Variants in PAPOLG observed in about 807,000 individuals in gnomAD.
The protein encoded by PAPOLG is PAP-gamma.
A neutral mutation model predicts 99.0 loss-of-function variants in PAPOLG; 40 were observed. The observed-to-expected ratio is 0.40, with a 90% CI of 0.31 to 0.53. The LOEUF is 0.53. Ranked by LOEUF, PAPOLG falls within the 20% of genes least tolerant of loss-of-function variation. The probability of loss-of-function intolerance (pLI) is 0.41; values close to 1 mark genes in which losing one functional copy is unlikely to be tolerated. For synonymous variants in PAPOLG, 310 were observed against 299.3 expected, an observed-to-expected ratio of 1.04 and a Z score of -0.37; for missense variants, 675 against 884.1, an observed-to-expected ratio of 0.76 and a Z score of 3.00.
rs1187992745 is a variant in PAPOLG, at chr2:60,791,857, C to T, written c.1493C>T (p.Ala498Val). ...KKKQLHHYLP[A>V]EILQKKKKQS... ...AAACAACTTCACCACTACCTTCCTG[C>T]AGAAATTCTTCAAAAGAAGAAAAAG... Residue 498 changes from alanine (A) to valine (V), a missense_variant, in exon 16 of 22, where the codon GCA becomes GTA. Transcript: ENST00000238714. 6.2e-7 allele frequency: 1 copy of T among 1,612,240 alleles called. No individual in the cohort carries two copies. Among genetic ancestry groups the T allele is most frequent in the South Asian group, 1.1e-5 (1 of 90,908 alleles).
chr2:60,775,002 A>T, intron 7 of PAPOLG, 32 bp from the exon 8 acceptor site: 1 of 1,611,206 alleles, frequency 6.2e-7, no homozygotes, highest in Non-Finnish European at 8.5e-7. Context: ...AATTTGCTGC[A>T]TAGTGAAAAA....
intron 3 of PAPOLG, 69 bp from the exon 4 acceptor site, chr2:60,768,401 C>G: frequency 6.6e-7 from 1 of 1,523,856 alleles, no homozygotes; most frequent in Non-Finnish European, 9.0e-7. Flanking sequence ...CATGCCCAGC[C>G]AACATTGAGG....
At chr2:60,789,828 G>A (rs571107866) in intron 15 of PAPOLG, among the ~76,000 whole-genome samples, 10 of 152,212 alleles carry the variant, frequency 6.6e-5, no homozygotes, top group East Asian at 3.9e-4. Flanking sequence ...GGTGGCTCAC[G>A]CCTGTAATCC....
At chr2:60,762,292 A>G (rs1670542969) in intron 3 of PAPOLG, among the ~76,000 whole-genome samples, 1 of 152,018 alleles carries the variant, frequency 6.6e-6, no homozygotes, top group Non-Finnish European at 1.5e-5. Context: ...TTCCTAAGAC[A>G]TAGGAATTTG....
intron 9 of PAPOLG, 109 bp downstream of exon 9, chr2:60,779,884 TTTGTAAAG>T: frequency 1.0e-6 from 1 of 967,516 alleles, no homozygotes; most frequent in Non-Finnish European, 1.5e-6. Context: ...TTTACATTGC[TTTGTAAAG>T]TTGAAAGTAT....
chr2:60,761,824 T>C lies in PAPOLG; in HGVS notation c.246+17T>C, dbSNP rs1181452311. The C allele has an allele frequency of 4.0e-6, 6 of 1,508,608 alleles. No individual in the cohort carries two copies. In the Admixed American group the frequency reaches 1.1e-4, roughly 28 times the overall value. The allele number at this position is 1,508,608 out of a possible 1,614,324, so 93.5% of individuals were successfully genotyped here. Reference sequence around the variant, plus strand: ...GAGAGTAAGGTAAGACTCTAAACTATGTGGAATTCTTGTTTTTATTATATC... The same window carrying C: ...GAGAGTAAGGTAAGACTCTAAACTACGTGGAATTCTTGTTTTTATTATATC... On this transcript the variant is annotated intron_variant, in intron 3 of 21. Coordinates refer to ENST00000238714, the MANE Select transcript of PAPOLG (RefSeq NM_022894.4).
chr2:60,793,439 C>T (rs1052662127), intron 17 of PAPOLG, among the ~76,000 whole-genome samples, 188 bp from the exon 18 acceptor site: 2 of 151,772 alleles, frequency 1.3e-5, no homozygotes, highest in Non-Finnish European at 2.9e-5. Flanking sequence ...TGGCACACAC[C>T]TATGTTCTTA....
Position 60,800,208 on chromosome 2 carries a change from A to G in PAPOLG, c.*3048A>G, listed in dbSNP as rs1464527683. On this transcript the variant is annotated 3_prime_UTR_variant, in exon 22 of 22. Coordinates refer to ENST00000238714, the MANE Select transcript of PAPOLG (RefSeq NM_022894.4). ...TTATTTTTTATTTTTTTATGAAGAC[A>G]AGAGTTTCACTCTGTCACCCAGTCT... 6.6e-6 allele frequency: 1 copy of G among 152,132 alleles called. No individual in the cohort carries two copies. Among genetic ancestry groups the G allele is most frequent in the Non-Finnish European group, 1.5e-5 (1 of 68,038 alleles). 9.4% of individuals were successfully genotyped at this position (152,132 alleles called of 1,614,324 possible).
At chr2:60,771,891 A>G (rs1272394803) in intron 7 of PAPOLG, among the ~76,000 whole-genome samples, 3 of 152,204 alleles carry the variant, frequency 2.0e-5, no homozygotes, top group Non-Finnish European at 4.4e-5. Flanking sequence ...GAGGACCCCA[A>G]AAAGCTTTTG....
intron 15 of PAPOLG, chr2:60,791,546 C>G: frequency 2.7e-6 from 1 of 369,706 alleles, no homozygotes; most frequent in Non-Finnish European, 4.8e-6. Context: ...GAGTGAAACT[C>G]CATCTCAAAA....
chr2:60,758,031 T>A (rs539316771), intron 1 of PAPOLG, among the ~76,000 whole-genome samples: 2 of 152,332 alleles, frequency 1.3e-5, no homozygotes, highest in South Asian at 4.1e-4. Flanking sequence ...TGGCTTGTCC[T>A]CTCTTTGACT....
Position 60,788,055 on chromosome 2 carries a change from GAAA to G in PAPOLG, c.1396+443_1396+445del, listed in dbSNP as rs922658590. ...AGACTGTCTCAAAAAAAGAAAAAAA[GAAA>G]AAAAAAAGCATTATGAAGCAATTTC... On this transcript the variant is annotated intron_variant, in intron 15 of 21. Transcript: ENST00000238714. Among the ~76,000 whole-genome samples the G allele has an allele frequency of 3.4e-5, 5 of 144,958 alleles. No homozygotes were observed. In the Admixed American group the frequency reaches 3.5e-4, roughly 10 times the overall value.
intron 8 of PAPOLG, among the ~76,000 whole-genome samples, chr2:60,777,220 CCGAGG>C (rs773678438): frequency 3.3e-5 from 5 of 152,104 alleles, no homozygotes; most frequent in Non-Finnish European, 7.3e-5. Context: ...CTTTGGGAGG[CCGAGG>C]CGAGCGGATC....
At chr2:60,787,484 T>G in intron 14 of PAPOLG, 27 bp from the exon 15 acceptor site, 3 of 1,583,576 alleles carry the variant, frequency 1.9e-6, no homozygotes, top group Non-Finnish European at 2.6e-6. Flanking sequence ...TAATAATTAA[T>G]GGAAATTCTT....
At chr2:60,794,599 TA>T in intron 19 of PAPOLG, 110 bp from the exon 20 acceptor site, 1 of 866,114 alleles carries the variant, frequency 1.2e-6, no homozygotes, top group Non-Finnish European at 1.8e-6. Flanking sequence ...AATCCATGTT[TA>T]TAGTAATTTT....
chr2:60,767,185 A>G (rs565354473), intron 3 of PAPOLG, among the ~76,000 whole-genome samples: 3 of 152,334 alleles, frequency 2.0e-5, no homozygotes, highest in African/African-American at 7.2e-5. Flanking sequence ...GAACAAAAAT[A>G]GAGAACTCAG....
chr2:60,765,552 G>C (rs1006484544), intron 3 of PAPOLG, among the ~76,000 whole-genome samples: 2 of 151,924 alleles, frequency 1.3e-5, no homozygotes, highest in African/African-American at 4.8e-5. Flanking sequence ...TTCTCTTTAT[G>C]TATATTTTAC....
At chr2:60,775,424 G>C (rs552608481) in intron 8 of PAPOLG, among the ~76,000 whole-genome samples, 1 of 152,192 alleles carries the variant, frequency 6.6e-6, no homozygotes, top group South Asian at 2.1e-4. Context: ...ACCATCTTAC[G>C]TATCTTTGTA....
chr2:60,756,411 A>T lies in PAPOLG; in HGVS notation c.-68A>T. 3.7e-6 allele frequency: 6 copies of T among 1,605,840 alleles called. No homozygotes were observed. The highest frequency in any genetic ancestry group is 1.7e-5 in the Admixed American group (1 of 59,960). On this transcript the variant is annotated 5_prime_UTR_variant, in exon 1 of 22. Transcript: ENST00000238714. ...CGACCGGAGGAAAGTGAACAGGGGG[A>T]GAAGGGAACAGCAAGAACAGGACTC...
Sources: gnomAD v4.1 joint callset for allele counts (sites outside exome capture counted in the v4.1 genomes callset) on GRCh38, gnomAD v4.1.1 for gene constraint, MANE v1.5 for transcripts, NCBI Gene and HGNC (gene_info 2026-07-23, HGNC 2026-07-21) for gene names.